The following SAMD8 variants were observed in gnomAD, a reference collection of about 807,000 sequenced individuals.
SAMD8 encodes the protein sterile alpha motif domain containing 8.
In SAMD8, 20 loss-of-function variants were observed where a neutral mutation model predicts 42.0. The observed-to-expected ratio is 0.48, with a 90% CI of 0.34 to 0.69. SAMD8 has a LOEUF of 0.69. Ranked by LOEUF, SAMD8 falls within the 30% of genes least tolerant of loss-of-function variation. The pLI is 0.01. For missense variants in SAMD8, 328 were observed against 511.6 expected (o/e 0.64, Z 3.46); for synonymous variants, 162 against 173.0 (o/e 0.94, Z 0.50).
chr10:75,159,063 C>CTT (rs530043259), intron 2 of SAMD8, among the ~76,000 whole-genome samples: 2 of 133,464 alleles, frequency 1.5e-5, no homozygotes, highest in Non-Finnish European at 1.6e-5. Flanking sequence ...TTTTCTTTTT[C>CTT]TTTTTTTTTT....
intron 1 of SAMD8, among the ~76,000 whole-genome samples, chr10:75,144,089 T>G (rs1219111931): frequency 1.3e-5 from 2 of 151,108 alleles, no homozygotes; most frequent in East Asian, 2.0e-4. Flanking sequence ...TGCCTCAGCC[T>G]CCAGAGTAGC....
chr10:75,131,674 A>G (rs1032954920), intron 1 of SAMD8, among the ~76,000 whole-genome samples: 3 of 152,174 alleles, frequency 2.0e-5, no homozygotes, highest in Non-Finnish European at 4.4e-5. Flanking sequence ...TTTTTTAAAA[A>G]TCTATAATAA....
At chr10:75,124,922 G>A (rs1849094693) in intron 1 of SAMD8, among the ~76,000 whole-genome samples, 1 of 151,632 alleles carries the variant, frequency 6.6e-6, no homozygotes, top group African/African-American at 2.4e-5. Context: ...TGCCAGCACA[G>A]CCAGCTAATT....
rs530043259 is a variant in SAMD8 at position 75,159,063 on chromosome 10, C to CTTTTTTTTTT, written c.579-5578_579-5569dup. On this transcript the variant is annotated intron_variant, in intron 2 of 5. Transcript: ENST00000542569. ...TGTAGACAAATTTTTTTTTCTTTTT[C>CTTTTTTTTTT]TTTTTTTTTTTTTGAGACAGAGTCT... Among the ~76,000 whole-genome samples, 308 of 133,420 alleles carry CTTTTTTTTTT rather than the reference C, an allele frequency of 2.3e-3. 10 individuals are homozygous for CTTTTTTTTTT. Among genetic ancestry groups the CTTTTTTTTTT allele is most frequent in the African/African-American group, 8.1e-3 (279 of 34,414 alleles). The allele number at this position is 133,420 out of a possible 152,430, so 87.5% of individuals were successfully genotyped here.
chr10:75,150,903 C>CT lies in SAMD8; in HGVS notation c.377dup (p.Leu126PhefsTer4), dbSNP rs1335778625. ...ATGACTGTGACGGACCCATAACTGACTTGAATTCTGATCAGTACCAGTACA... is the reference window on the plus strand; with the variant it reads ...ATGACTGTGACGGACCCATAACTGACTTTGAATTCTGATCAGTACCAGTACA... On this transcript the variant is annotated frameshift_variant, in exon 2 of 6. Coordinates refer to ENST00000542569, the MANE Select transcript of SAMD8 (RefSeq NM_001174156.2). LOFTEE classifies it high-confidence loss of function. The CT allele has an allele frequency of 6.2e-7, 1 of 1,612,014 alleles. No homozygotes were observed. Among genetic ancestry groups the CT allele is most frequent in the Non-Finnish European group, 8.5e-7 (1 of 1,179,070 alleles).
chr10:75,109,031 G>C (rs763610492), upstream of SAMD8: 32 of 1,610,208 alleles, frequency 2.0e-5, no homozygotes, highest in South Asian at 2.0e-4. Context: ...AAAAGGTTGG[G>C]CCAAACTTCG....
At chr10:75,132,300 C>A (rs188999998) in intron 1 of SAMD8, among the ~76,000 whole-genome samples, 47 of 152,310 alleles carry the variant, frequency 3.1e-4, no homozygotes, top group Middle Eastern at 3.4e-3. Flanking sequence ...AATCAGCCTC[C>A]TAGACACTTC....
chr10:75,140,902 C>T (rs980413108), intron 1 of SAMD8, among the ~76,000 whole-genome samples: 9 of 151,966 alleles, frequency 5.9e-5, no homozygotes, highest in Non-Finnish European at 1.2e-4. Context: ...TTTAGGTGTT[C>T]GTCTTAGCAG....
chr10:75,163,194 G>A (rs2132194557), intron 2 of SAMD8, among the ~76,000 whole-genome samples: 1 of 152,118 alleles, frequency 6.6e-6, no homozygotes, highest in African/African-American at 2.4e-5. Flanking sequence ...CAAAGTGCTG[G>A]GATTATAGGC....
rs371169222 is a variant in SAMD8 at position 75,148,491 on chromosome 10, C to T, written c.-15-2023C>T. ...GCCTCAGCCTCCCAAGTAGCTGGGA[C>T]TACAGGCGCACGCTGCCATGCCCGG... On this transcript the variant is annotated intron_variant, in intron 1 of 5. Coordinates refer to ENST00000542569, the MANE Select transcript of SAMD8 (RefSeq NM_001174156.2). Among the ~76,000 whole-genome samples, 8 of 151,824 alleles carry T rather than the reference C, an allele frequency of 5.3e-5. No individual in the cohort carries two copies. The East Asian group carries it at 9.6e-4, about 18-fold the overall frequency.
At chr10:75,173,945 T>C (rs1209644563) in intron 4 of SAMD8, among the ~76,000 whole-genome samples, 1 of 152,248 alleles carries the variant, frequency 6.6e-6, no homozygotes, top group African/African-American at 2.4e-5. Context: ...AATCACTTCA[T>C]AGGATTGCTG....
At chr10:75,152,586 C>A (rs561399849) in intron 2 of SAMD8, among the ~76,000 whole-genome samples, 19 of 151,226 alleles carry the variant, frequency 1.3e-4, no homozygotes, top group Non-Finnish European at 2.2e-4. Context: ...GGCATGGTGG[C>A]TCATGCCTAT....
At chr10:75,114,153 T>G (rs936531925) in intron 1 of SAMD8, among the ~76,000 whole-genome samples, 1 of 152,060 alleles carries the variant, frequency 6.6e-6, no homozygotes, top group African/African-American at 2.4e-5. Flanking sequence ...TTGGCCAACA[T>G]GGCAAAACCC....
At chr10:75,122,269 A>AT (rs1372886801) in intron 1 of SAMD8, among the ~76,000 whole-genome samples, 1 of 152,028 alleles carries the variant, frequency 6.6e-6, no homozygotes, top group East Asian at 1.9e-4. Flanking sequence ...CATATTTGCT[A>AT]TTTTTTGGGA....
At position 75,150,568 on chromosome 10, in the gene SAMD8, A is replaced by G. The variant is rs1032743272; in HGVS notation, c.40A>G (p.Thr14Ala). ...TCAACTCTGCATTCGCCGCTGGACTACCAAGCATGTAGCTGTGTGGCTGAA... is the reference window on the plus strand; with the variant it reads ...TCAACTCTGCATTCGCCGCTGGACTGCCAAGCATGTAGCTGTGTGGCTGAA... The part of the protein sequence containing the change: ...PNQLCIRRWT[T>A]KHVAVWLKDE... Residue 14 changes from threonine to alanine, a missense_variant, in exon 2 of 6, where the codon ACC becomes GCC. This residue lies in a region of SAMD8 where 150 missense variants were observed against 186.0 expected (regional missense o/e 0.81). Coordinates refer to ENST00000542569, the MANE Select transcript of SAMD8 (RefSeq NM_001174156.2). 1 of 1,614,056 alleles carries G rather than the reference A, an allele frequency of 6.2e-7. No individual in the cohort carries two copies. The highest frequency in any genetic ancestry group is 1.7e-5 in the Admixed American group (1 of 59,998).
chr10:75,145,466 T>C (rs1840110249), intron 1 of SAMD8, among the ~76,000 whole-genome samples: 1 of 152,182 alleles, frequency 6.6e-6, no homozygotes. Context: ...ATGAATTCAT[T>C]GTTGGGCTCT....
chr10:75,109,019 T>C (rs761029553), upstream of SAMD8: 5 of 1,607,974 alleles, frequency 3.1e-6, no homozygotes, highest in Admixed American at 8.4e-5. Context: ...GCATCTCCTA[T>C]GAAAAGGTTG....
At chr10:75,131,888 C>T (rs1305283588) in intron 1 of SAMD8, among the ~76,000 whole-genome samples, 4 of 152,134 alleles carry the variant, frequency 2.6e-5, no homozygotes, top group Admixed American at 1.3e-4. Flanking sequence ...ATTAGAATCA[C>T]GTGGGGAGCT....
At chr10:75,145,427 C>T (rs1454750102) in intron 1 of SAMD8, among the ~76,000 whole-genome samples, 2 of 152,080 alleles carry the variant, frequency 1.3e-5, no homozygotes, top group African/African-American at 4.8e-5. Context: ...GAATAGATTC[C>T]AGACATTATG....
Sources: allele counts gnomAD v4.1 joint callset (sites outside exome capture counted in the v4.1 genomes callset), GRCh38; gene constraint gnomAD v4.1.1; regional missense constraint gnomAD v4.1.1; transcripts MANE v1.5; gene names NCBI Gene and HGNC (gene_info 2026-07-23, HGNC 2026-07-21).